The following NICOL1 variants were observed in gnomAD, a reference collection of about 807,000 sequenced individuals.
The protein encoded by NICOL1 is NELL2 interacting cell ontogeny regulator 1.
At chr4:2,038,222 T>C in the NICOL1 span, among the ~76,000 whole-genome samples, 1 of 128,344 alleles carries the variant, frequency 7.8e-6, no homozygotes, top group African/African-American at 3.0e-5. Flanking sequence ...AAAGCCTTTA[T>C]TAAGTGATCA....
At chr4:2,042,702 G>T in the NICOL1 span, 1 of 1,314,202 alleles carries the variant, frequency 7.6e-7, no homozygotes, top group Non-Finnish European at 1.0e-6. Context: ...GACCCCCCCT[G>T]CGCCCCCTCC....
At chr4:2,042,725 G>A in the NICOL1 span, 4 of 1,497,212 alleles carry the variant, frequency 2.7e-6, no homozygotes, top group Non-Finnish European at 2.7e-6. Context: ...CCTGACCCGC[G>A]CCCCCCGCAG....
chr4:2,039,696 C>T, the NICOL1 span, among the ~76,000 whole-genome samples: 6 of 150,610 alleles, frequency 4.0e-5, no homozygotes, highest in Admixed American at 3.3e-4. Context: ...AAAAATTAGC[C>T]GGGTGTGGTG....
At chr4:2,043,928 G>A in the NICOL1 span, 11 of 1,547,278 alleles carry the variant, frequency 7.1e-6, no homozygotes, top group South Asian at 1.3e-4. Flanking sequence ...GGGCACTGAG[G>A]ACCACGCTGC....
chr4:2,040,555 C>G, the NICOL1 span, among the ~76,000 whole-genome samples: 1 of 152,320 alleles, frequency 6.6e-6, no homozygotes, highest in Admixed American at 6.5e-5. Context: ...GGGGCTACCC[C>G]TCTACGGCTC....
chr4:2,041,111 C>T, the NICOL1 span, among the ~76,000 whole-genome samples: 1 of 147,522 alleles, frequency 6.8e-6, no homozygotes, highest in East Asian at 2.0e-4. Context: ...TGTGGTTAGT[C>T]CCTGAGCTCC....
the NICOL1 span, chr4:2,042,654 G>A: frequency 1.3e-6 from 1 of 765,282 alleles, no homozygotes; most frequent in East Asian, 3.3e-5. Flanking sequence ...CTTTGGCACT[G>A]GGTGGACGGG....
chr4:2,043,888 C>T, the NICOL1 span: 97 of 1,549,628 alleles, frequency 6.3e-5, no homozygotes, highest in East Asian at 4.2e-4. Flanking sequence ...GCAGGCAGAG[C>T]GCCGTGCCCT....
the NICOL1 span, among the ~76,000 whole-genome samples, chr4:2,040,575 T>G: frequency 6.6e-6 from 1 of 152,042 alleles, no homozygotes; most frequent in African/African-American, 2.4e-5. Context: ...CCCGCCCCAC[T>G]GGGGGACCGC....
At chr4:2,038,237 G>GTGTGTATGTATA in the NICOL1 span, among the ~76,000 whole-genome samples, 6 of 91,454 alleles carry the variant, frequency 6.6e-5, no homozygotes, top group African/African-American at 2.2e-4. Context: ...TGATCAGTGT[G>GTGTGTATGTATA]TATATATATA....
the NICOL1 span, among the ~76,000 whole-genome samples, chr4:2,037,881 A>G: frequency 4.0e-5 from 6 of 151,566 alleles, no homozygotes; most frequent in Admixed American, 1.3e-4. Flanking sequence ...ACACATAAAA[A>G]TTATGTTATG....
At chr4:2,042,173 G>C in the NICOL1 span, 3 of 1,440,138 alleles carry the variant, frequency 2.1e-6, no homozygotes, top group African/African-American at 4.6e-5. Context: ...CGGGGAACCG[G>C]AGGTGGGGAG....
chr4:2,036,942 G>A, the NICOL1 span, among the ~76,000 whole-genome samples: 1 of 152,040 alleles, frequency 6.6e-6, no homozygotes, highest in South Asian at 2.1e-4. Flanking sequence ...TGGCTGATAT[G>A]GTTTGGTTCT....
chr4:2,036,636 G>A, the NICOL1 span, among the ~76,000 whole-genome samples: 482 of 152,294 alleles, frequency 3.2e-3, 1 homozygote, highest in African/African-American at 0.011. Context: ...GGCCCTCGAG[G>A]ACAGCGTGGA....
At chr4:2,040,890 G>A in the NICOL1 span, among the ~76,000 whole-genome samples, 1 of 151,278 alleles carries the variant, frequency 6.6e-6, no homozygotes, top group African/African-American at 2.4e-5. Flanking sequence ...TCCGGCCGGG[G>A]CAGGGGCGGC....
chr4:2,041,932 A>C, the NICOL1 span: 1 of 1,428,168 alleles, frequency 7.0e-7, no homozygotes, highest in East Asian at 3.0e-5. Context: ...CGGCCAGCGC[A>C]GTCTCGGGTT....
chr4:2,041,865 C>A, the NICOL1 span: 2 of 1,034,392 alleles, frequency 1.9e-6, no homozygotes, highest in Non-Finnish European at 2.6e-6. Context: ...GGGGGCAGCC[C>A]CCGGCCAGGG....
At chr4:2,042,021 C>A in the NICOL1 span, 8 of 1,471,772 alleles carry the variant, frequency 5.4e-6, no homozygotes, top group South Asian at 1.3e-5. Context: ...GGACGCGGAA[C>A]GTCTGCCGGT....
At chr4:2,042,442 C>T in the NICOL1 span, 4 of 434,588 alleles carry the variant, frequency 9.2e-6, no homozygotes, top group South Asian at 5.8e-5. Flanking sequence ...GCTGGGCGCC[C>T]GGGCCCGCGC....
Sources: allele counts gnomAD v4.1 joint callset (sites outside exome capture counted in the v4.1 genomes callset), GRCh38; gene constraint gnomAD v4.1.1; transcripts MANE v1.5; gene names NCBI Gene and HGNC (gene_info 2026-07-23, HGNC 2026-07-21).